Variants in PSMA1 observed in about 807,000 individuals in gnomAD.
The protein encoded by PSMA1 is proteasome 20S subunit alpha 1.
In PSMA1, 3 loss-of-function variants were observed where a neutral mutation model predicts 38.4. The ratio of observed to expected loss-of-function variants is 0.08; its 90% CI spans 0.04 to 0.20. PSMA1 has a LOEUF of 0.20. PSMA1 is among the 10% of genes least tolerant of loss of function. PSMA1 has a pLI of 1.00. For missense variants in PSMA1, 227 were observed against 325.3 expected (o/e 0.70, Z 2.32); for synonymous variants, 101 against 107.1 (o/e 0.94, Z 0.35).
chr11:14,634,203 G>T (rs1271336230), intron 1 of PSMA1, among the ~76,000 whole-genome samples: 1 of 152,208 alleles, frequency 6.6e-6, no homozygotes, highest in African/African-American at 2.4e-5. Context: ...CCCCCGGTCT[G>T]TGGAAAATTG....
chr11:14,523,172 TG>T (rs1189576774), upstream of PSMA1, among the ~76,000 whole-genome samples: 7 of 152,316 alleles, frequency 4.6e-5, no homozygotes, highest in African/African-American at 1.7e-4. Context: ...TTGTTAAGAA[TG>T]AAAGTCCCAA....
At chr11:14,632,536 G>A (rs1167205278) in intron 1 of PSMA1, among the ~76,000 whole-genome samples, 25 of 149,514 alleles carry the variant, frequency 1.7e-4, no homozygotes, top group Non-Finnish European at 1.3e-4. Flanking sequence ...CGAGAGATCC[G>A]CTGTTAGTCT....
intron 1 of PSMA1, among the ~76,000 whole-genome samples, chr11:14,623,114 A>G (rs1015728783): frequency 6.6e-6 from 1 of 152,216 alleles, no homozygotes; most frequent in African/African-American, 2.4e-5. Flanking sequence ...GGAAAATTAC[A>G]TCAAGGATTG....
chr11:14,595,889 G>A (rs996681857), intron 2 of PSMA1, among the ~76,000 whole-genome samples: 1 of 152,210 alleles, frequency 6.6e-6, no homozygotes, highest in Non-Finnish European at 1.5e-5. Context: ...TAACAGTTAA[G>A]TCTTTAATCC....
intron 1 of PSMA1, among the ~76,000 whole-genome samples, chr11:14,624,063 A>T (rs189026910): frequency 5.9e-5 from 9 of 152,308 alleles, no homozygotes; most frequent in Admixed American, 5.9e-4. Context: ...GACCCATTTC[A>T]CAGTAAAGGA....
At chr11:14,576,234 G>T (rs1415089581) in intron 2 of PSMA1, among the ~76,000 whole-genome samples, 1 of 152,170 alleles carries the variant, frequency 6.6e-6, no homozygotes, top group African/African-American at 2.4e-5. Context: ...TAGGTTGCCT[G>T]TTCTCTCTGA....
intron 2 of PSMA1, among the ~76,000 whole-genome samples, chr11:14,532,931 A>T (rs369659943): frequency 7.2e-5 from 11 of 152,346 alleles, no homozygotes; most frequent in African/African-American, 2.4e-4. Context: ...ATAGCTGCTA[A>T]AAAAAGACAA....
intron 2 of PSMA1, among the ~76,000 whole-genome samples, chr11:14,602,280 G>C (rs912397804): frequency 1.3e-5 from 2 of 152,280 alleles, no homozygotes; most frequent in Middle Eastern, 3.4e-3. Context: ...CCATGAAAAG[G>C]CTGAGCTATC....
At chr11:14,578,356 T>A (rs1234393497) in intron 2 of PSMA1, among the ~76,000 whole-genome samples, 2 of 152,172 alleles carry the variant, frequency 1.3e-5, no homozygotes, top group Admixed American at 1.3e-4. Context: ...GCATTATGAC[T>A]TGTCCAGTTA....
intron 2 of PSMA1, among the ~76,000 whole-genome samples, chr11:14,564,182 T>C (rs2134174617): frequency 6.6e-6 from 1 of 152,262 alleles, no homozygotes; most frequent in East Asian, 1.9e-4. Flanking sequence ...TTTATAATCA[T>C]ACCCACCATC....
intron 2 of PSMA1, among the ~76,000 whole-genome samples, chr11:14,527,655 C>T (rs1335906559): frequency 6.6e-6 from 1 of 152,166 alleles, no homozygotes; most frequent in Non-Finnish European, 1.5e-5. Context: ...TAAAATACCT[C>T]TTGGTCTGCG....
intron 7 of PSMA1, 34 bp downstream of exon 7, chr11:14,513,531 GCAAAA>G: frequency 8.5e-7 from 1 of 1,182,526 alleles, no homozygotes. Context: ...ACTGGAAAAG[GCAAAA>G]AAAAAAAAAA....
At chr11:14,552,537 G>C (rs1851897557) in intron 2 of PSMA1, among the ~76,000 whole-genome samples, 2 of 152,154 alleles carry the variant, frequency 1.3e-5, no homozygotes, top group Admixed American at 6.5e-5. Flanking sequence ...TTTTGAACCT[G>C]AAAAGATAAG....
At chr11:14,584,312 G>A (rs1480424596) in intron 2 of PSMA1, among the ~76,000 whole-genome samples, 2 of 152,126 alleles carry the variant, frequency 1.3e-5, no homozygotes, top group African/African-American at 4.8e-5. Context: ...TATCCCTTCA[G>A]AGGTAAAAGG....
chr11:14,609,617 T>C (rs529018214), intron 2 of PSMA1, among the ~76,000 whole-genome samples: 168 of 152,236 alleles, frequency 1.1e-3, no homozygotes, highest in African/African-American at 4.0e-3. Flanking sequence ...CATGTGCCTA[T>C]GTAGTGAATG....
chr11:14,600,893 T>C (rs143588157), intron 2 of PSMA1, among the ~76,000 whole-genome samples: 76 of 152,336 alleles, frequency 5.0e-4, no homozygotes, highest in African/African-American at 1.8e-3. Context: ...AACATTTCTT[T>C]ATTTCTGGCT....
chr11:14,629,050 GTAGAT>G (rs1852961134), intron 1 of PSMA1, among the ~76,000 whole-genome samples: 1 of 151,458 alleles, frequency 6.6e-6, no homozygotes, highest in Non-Finnish European at 1.5e-5. Context: ...TGAGTTCATT[GTAGAT>G]TCTGGATATT....
chr11:14,581,404 C>T (rs567985203), intron 2 of PSMA1, among the ~76,000 whole-genome samples: 167 of 152,298 alleles, frequency 1.1e-3, no homozygotes, highest in Non-Finnish European at 2.1e-3. Context: ...AGTTAATTAA[C>T]TTCTATGTGC....
upstream of PSMA1, among the ~76,000 whole-genome samples, chr11:14,523,821 T>A (rs992633216): frequency 4.0e-5 from 6 of 150,752 alleles, no homozygotes; most frequent in Non-Finnish European, 7.4e-5. Context: ...GGACTCAAGC[T>A]ATCCTCCTGC....
Sources: gnomAD v4.1 joint callset for allele counts (sites outside exome capture counted in the v4.1 genomes callset) on GRCh38, gnomAD v4.1.1 for gene constraint, MANE v1.5 for transcripts, NCBI Gene and HGNC (gene_info 2026-07-23, HGNC 2026-07-21) for gene names.